LRRC4C: variants seen among roughly 807,000 people sequenced by gnomAD.
LRRC4C encodes the protein leucine rich repeat containing 4C, also known as leucine-rich repeat-containing protein 4C.
Under a neutral mutation model 33.6 loss-of-function variants are expected in LRRC4C, and 5 were observed. The ratio of observed to expected loss-of-function variants is 0.15; its 90% CI spans 0.08 to 0.31. The LOEUF is 0.31. Among genes scored for constraint, LRRC4C ranks in the 10% least tolerant of loss-of-function variants. The pLI is 1.00. For missense variants in LRRC4C, 560 were observed against 796.7 expected (o/e 0.70, Z 3.58); for synonymous variants, 329 against 302.0 (o/e 1.09, Z -0.93).
intron 2 of LRRC4C, among the ~76,000 whole-genome samples, chr11:40,902,828 A>T (rs1413823272): frequency 6.6e-6 from 1 of 152,188 alleles, no homozygotes; most frequent in Non-Finnish European, 1.5e-5. Flanking sequence ...CCTGCAGAAG[A>T]AAAGTTTAAA....
intron 1 of LRRC4C, among the ~76,000 whole-genome samples, chr11:41,406,376 T>C (rs1288436421): frequency 6.6e-6 from 1 of 152,170 alleles, no homozygotes; most frequent in Non-Finnish European, 1.5e-5. Context: ...TAGACCTTTT[T>C]CTCTCTTGGC....
At chr11:40,140,363 G>A (rs1044365322) in intron 6 of LRRC4C, among the ~76,000 whole-genome samples, 2 of 152,146 alleles carry the variant, frequency 1.3e-5, no homozygotes, top group Non-Finnish European at 2.9e-5. Context: ...GGATGGTGGT[G>A]TAAAGAGGGA....
Position 40,185,157 on chromosome 11 carries a change from C to G in LRRC4C, c.-95-44304G>C, listed in dbSNP as rs144598072. Among the ~76,000 whole-genome samples, 925 of 152,296 alleles carry G rather than the reference C, an allele frequency of 6.1e-3. 16 individuals carry two copies. The highest frequency in any genetic ancestry group is 0.021 in the African/African-American group (873 of 41,542). On this transcript the variant is annotated intron_variant, in intron 5 of 6. Transcript: ENST00000528697. ...TGTTGAAATGGTTAAGCTAACTGCA[C>G]TTAGCTTTTGGGATGTTTCCATTTT...
intron 1 of LRRC4C, among the ~76,000 whole-genome samples, chr11:41,271,269 C>T (rs545755060): frequency 5.3e-5 from 8 of 152,178 alleles, no homozygotes; most frequent in South Asian, 2.1e-4. Context: ...CTATCACCCT[C>T]GTACTCAAAC....
At chr11:40,347,032 C>A (rs1947168315) in intron 3 of LRRC4C, among the ~76,000 whole-genome samples, 1 of 152,170 alleles carries the variant, frequency 6.6e-6, no homozygotes, top group Non-Finnish European at 1.5e-5. Flanking sequence ...AAGAGTCAGC[C>A]TGTTCTTTGA....
At chr11:41,051,488 T>TCTGGAAC (rs1170638117) in intron 1 of LRRC4C, among the ~76,000 whole-genome samples, 1 of 114,324 alleles carries the variant, frequency 8.7e-6, no homozygotes, top group Admixed American at 1.2e-4. Flanking sequence ...AAAAGACACA[T>TCTGGAAC]CTGGAACTCA....
chr11:40,660,166 C>A (rs1459568551), intron 2 of LRRC4C, among the ~76,000 whole-genome samples: 1 of 152,234 alleles, frequency 6.6e-6, no homozygotes, highest in Non-Finnish European at 1.5e-5. Context: ...AGAGCTGGAA[C>A]CTGTGCCAGC....
chr11:41,085,544 G>A (rs1939907769), intron 1 of LRRC4C, among the ~76,000 whole-genome samples: 1 of 152,058 alleles, frequency 6.6e-6, no homozygotes, highest in Non-Finnish European at 1.5e-5. Context: ...GTGTTGTTAG[G>A]AGGATCAAAT....
intron 3 of LRRC4C, among the ~76,000 whole-genome samples, chr11:40,565,056 G>T (rs1005520735): frequency 8.5e-5 from 13 of 152,288 alleles, no homozygotes; most frequent in African/African-American, 2.4e-4. Context: ...AGAGGGTGAG[G>T]AACTTTAGAA....
chr11:41,098,763 C>G (rs373279528), intron 1 of LRRC4C, among the ~76,000 whole-genome samples: 1 of 151,980 alleles, frequency 6.6e-6, no homozygotes, highest in East Asian at 1.9e-4. Flanking sequence ...AACAACCTAA[C>G]ATCACAACTA....
At chr11:40,213,264 T>A (rs1272001923) in intron 5 of LRRC4C, among the ~76,000 whole-genome samples, 1 of 152,168 alleles carries the variant, frequency 6.6e-6, no homozygotes, top group African/African-American at 2.4e-5. Context: ...TAATAGCTTT[T>A]CTCTCTTACT....
intron 5 of LRRC4C, among the ~76,000 whole-genome samples, chr11:40,146,193 G>A (rs1208449213): frequency 6.6e-6 from 1 of 152,152 alleles, no homozygotes; most frequent in Non-Finnish European, 1.5e-5. Context: ...GACTGGAACA[G>A]TCATCAGTGA....
intron 3 of LRRC4C, among the ~76,000 whole-genome samples, chr11:40,583,096 A>G (rs1958550268): frequency 2.0e-5 from 3 of 151,812 alleles, no homozygotes; most frequent in Admixed American, 2.0e-4. Context: ...TCATTAACCA[A>G]CCTCTCTTCA....
At chr11:40,743,571 G>A (rs1284219571) in intron 2 of LRRC4C, among the ~76,000 whole-genome samples, 1 of 152,064 alleles carries the variant, frequency 6.6e-6, no homozygotes, top group African/African-American at 2.4e-5. Context: ...CTTCATTCAT[G>A]TGAACTAACA....
intron 5 of LRRC4C, among the ~76,000 whole-genome samples, chr11:40,219,110 T>C (rs1864217518): frequency 6.6e-6 from 1 of 152,220 alleles, no homozygotes; most frequent in Admixed American, 6.5e-5. Context: ...TATCTAGATC[T>C]GCATTCTCAG....
chr11:41,322,127 A>C (rs2137280432), intron 1 of LRRC4C, among the ~76,000 whole-genome samples: 1 of 151,978 alleles, frequency 6.6e-6, no homozygotes, highest in South Asian at 2.1e-4. Flanking sequence ...AGCCTCCCAA[A>C]GTGCTGGGAT....
chr11:40,716,010 G>A (rs528889641), intron 2 of LRRC4C, among the ~76,000 whole-genome samples: 17 of 151,632 alleles, frequency 1.1e-4, no homozygotes, highest in Non-Finnish European at 2.1e-4. Context: ...ACTCCAGCCT[G>A]GGTGACAGAG....
intron 5 of LRRC4C, among the ~76,000 whole-genome samples, chr11:40,163,033 AG>A (rs1172332104): frequency 6.6e-6 from 1 of 152,154 alleles, no homozygotes; most frequent in Non-Finnish European, 1.5e-5. Flanking sequence ...GTTTTGTTAA[AG>A]GGCAGCAACC....
At chr11:41,343,293 A>T (rs1379759900) in intron 1 of LRRC4C, among the ~76,000 whole-genome samples, 1 of 152,200 alleles carries the variant, frequency 6.6e-6, no homozygotes, top group African/African-American at 2.4e-5. Context: ...GCATCAAGTT[A>T]CCTGATAACA....
Sources: gnomAD v4.1 joint callset for allele counts (sites outside exome capture counted in the v4.1 genomes callset) on GRCh38, gnomAD v4.1.1 for gene constraint, MANE v1.5 for transcripts, NCBI Gene and HGNC (gene_info 2026-07-23, HGNC 2026-07-21) for gene names.